Variants in NUP205 observed in about 807,000 individuals in gnomAD.
The protein encoded by NUP205 is nucleoporin 205.
A neutral mutation model predicts 253.8 loss-of-function variants in NUP205; 76 were observed. That is an observed-to-expected ratio of 0.30 (90% CI 0.25 to 0.36). NUP205 has a LOEUF of 0.36. NUP205 is among the 10% of genes least tolerant of loss of function. The pLI is 1.00. For synonymous variants in NUP205, 832 were observed against 850.1 expected, an observed-to-expected ratio of 0.98 and a Z score of 0.37; for missense variants, 2,162 against 2,425.5, an observed-to-expected ratio of 0.89 and a Z score of 2.28.
At chr7:135,570,643 T>G (rs1407189052) in intron 1 of NUP205, among the ~76,000 whole-genome samples, 2 of 134,754 alleles carry the variant, frequency 1.5e-5, no homozygotes, top group African/African-American at 2.8e-5. Flanking sequence ...TTTATATAAT[T>G]AGCAATCATT....
At chr7:135,581,061 A>T (rs576877582) in intron 7 of NUP205, among the ~76,000 whole-genome samples, 1 of 152,210 alleles carries the variant, frequency 6.6e-6, no homozygotes, top group East Asian at 1.9e-4. Flanking sequence ...AACTATAAAA[A>T]TTTTTCTGTT....
At chr7:135,629,390 C>T (rs554818287) in intron 34 of NUP205, among the ~76,000 whole-genome samples, 1 of 151,902 alleles carries the variant, frequency 6.6e-6, no homozygotes, top group South Asian at 2.1e-4. Flanking sequence ...CCTGTAATCC[C>T]AGCACTTTGG....
chr7:135,574,302 C>T (rs1313922877), intron 3 of NUP205, among the ~76,000 whole-genome samples: 2 of 152,014 alleles, frequency 1.3e-5, no homozygotes, highest in East Asian at 1.9e-4. Flanking sequence ...TCAGATAATG[C>T]ATGAGTAGGT....
intron 2 of NUP205, among the ~76,000 whole-genome samples, chr7:135,573,285 T>TA (rs780656960): frequency 6.6e-6 from 1 of 152,250 alleles, no homozygotes; most frequent in Non-Finnish European, 1.5e-5. Context: ...CTTGCTCTGC[T>TA]AAGTAATTAA....
intron 31 of NUP205, among the ~76,000 whole-genome samples, 195 bp downstream of exon 31, chr7:135,623,120 A>G (rs1161145018): frequency 1.3e-5 from 2 of 152,102 alleles, no homozygotes; most frequent in African/African-American, 4.8e-5. Flanking sequence ...TCTACAAAAA[A>G]TACAAAAAAT....
chr7:135,571,692 C>T (rs1806002505), intron 2 of NUP205, among the ~76,000 whole-genome samples: 1 of 152,096 alleles, frequency 6.6e-6, no homozygotes, highest in Admixed American at 6.6e-5. Flanking sequence ...TCCCCTCAAG[C>T]ATTTATCCAT....
intron 7 of NUP205, among the ~76,000 whole-genome samples, chr7:135,580,928 AG>A (rs1806287860): frequency 6.6e-6 from 1 of 152,176 alleles, no homozygotes; most frequent in Admixed American, 6.5e-5. Flanking sequence ...TAGTAAAAAT[AG>A]GTTAGGAATC....
At chr7:135,567,521 G>C (rs752102052) in intron 1 of NUP205, among the ~76,000 whole-genome samples, 14 of 151,202 alleles carry the variant, frequency 9.3e-5, no homozygotes, top group Non-Finnish European at 1.8e-4. Flanking sequence ...GAGGGGGGCA[G>C]TATCTCTTGA....
chr7:135,589,679 C>T (rs537831669), intron 10 of NUP205, among the ~76,000 whole-genome samples: 2 of 151,530 alleles, frequency 1.3e-5, no homozygotes, highest in South Asian at 4.2e-4. Context: ...ACCTGTAATA[C>T]TTGCACTTTG....
Position 135,622,932 on chromosome 7 carries a change from C to T in NUP205, c.4479+7C>T. On this transcript the variant is annotated splice_region_variant and intron_variant, in intron 31 of 42. Transcript: ENST00000285968. Reference sequence around the variant, plus strand: ...TGGTCATGAGATTGGAAGGGTAAAGCAACTCTTATTTAGTATTATAATTGA... The same window carrying T: ...TGGTCATGAGATTGGAAGGGTAAAGTAACTCTTATTTAGTATTATAATTGA... 1 of 1,612,796 alleles carries T rather than the reference C, an allele frequency of 6.2e-7. No homozygotes were observed. The highest frequency in any genetic ancestry group is 1.1e-5 in the South Asian group (1 of 90,974).
chr7:135,590,986 T>C (rs944395637), intron 10 of NUP205, among the ~76,000 whole-genome samples: 3 of 152,148 alleles, frequency 2.0e-5, no homozygotes, highest in Non-Finnish European at 4.4e-5. Flanking sequence ...AGAAATAGAC[T>C]TAAAGAACAG....
In NUP205 at chr7:135,583,844, C is replaced by CT. The variant is rs756603941; in HGVS notation, c.1043-972dup. Among the ~76,000 whole-genome samples the CT allele has an allele frequency of 5.0e-3, 695 of 138,924 alleles. 1 individual carries two copies. The highest frequency in any genetic ancestry group is 0.015 in the Middle Eastern group (4 of 272). 91.1% of individuals were successfully genotyped at this position (138,924 alleles called of 152,430 possible). A position where few individuals can be genotyped will look rare whatever the true frequency, so the allele number is the denominator to read the frequency against. On this transcript the variant is annotated intron_variant, in intron 7 of 42. Transcript: ENST00000285968. ...TTACTTTTGCTTTCTTTCTTTCTTT[C>CT]TTTTTTTTTTTTTTTTGAGACGGAG...
intron 1 of NUP205, 140 bp downstream of exon 1, chr7:135,558,112 C>G (rs1427054883): frequency 1.4e-6 from 1 of 722,344 alleles, no homozygotes; most frequent in Non-Finnish European, 2.5e-6. Context: ...GGCCTAGAGT[C>G]CCACCCCTCC....
intron 8 of NUP205, 69 bp from the exon 9 acceptor site, chr7:135,587,506 C>A: frequency 1.2e-6 from 1 of 847,968 alleles, no homozygotes; most frequent in Non-Finnish European, 1.8e-6. Flanking sequence ...AAGACAGTTG[C>A]CTGATTTCAT....
chr7:135,613,031 A>T (rs1794276429), intron 22 of NUP205, among the ~76,000 whole-genome samples: 1 of 151,886 alleles, frequency 6.6e-6, no homozygotes, highest in South Asian at 2.1e-4. Context: ...GGCTGCAGTG[A>T]GCTGTGATTG....
intron 34 of NUP205, among the ~76,000 whole-genome samples, chr7:135,628,842 G>T (rs1019661137): frequency 6.6e-6 from 1 of 152,214 alleles, no homozygotes; most frequent in Non-Finnish European, 1.5e-5. Context: ...AGATGCTGCT[G>T]TTCTAAAGTG....
intron 36 of NUP205, among the ~76,000 whole-genome samples, chr7:135,637,136 C>G (rs910361999): frequency 2.6e-5 from 4 of 152,164 alleles, no homozygotes; most frequent in African/African-American, 7.2e-5. Flanking sequence ...TTACTATGTG[C>G]AGAACATTGT....
intron 1 of NUP205, among the ~76,000 whole-genome samples, chr7:135,565,436 ATT>A (rs199668430): frequency 4.5e-5 from 6 of 134,756 alleles, no homozygotes; most frequent in Admixed American, 7.4e-5. Flanking sequence ...CCATTTTCTT[ATT>A]TTTTTTTTTT....
chr7:135,567,963 T>C (rs1354634557), intron 1 of NUP205, among the ~76,000 whole-genome samples: 1 of 152,168 alleles, frequency 6.6e-6, no homozygotes, highest in Non-Finnish European at 1.5e-5. Flanking sequence ...CCGTGGCTCA[T>C]GCCAGTAATC....
Sources: gnomAD v4.1 joint callset for allele counts (sites outside exome capture counted in the v4.1 genomes callset) on GRCh38, gnomAD v4.1.1 for gene constraint, MANE v1.5 for transcripts, NCBI Gene and HGNC (gene_info 2026-07-23, HGNC 2026-07-21) for gene names.